Variants in TRERF1 observed in about 807,000 individuals in gnomAD.
The protein encoded by TRERF1 is transcriptional regulating factor 1.
TRERF1 carries 27 observed loss-of-function variants against 122.9 expected under a neutral mutation model. The observed-to-expected ratio is 0.22, with a 90% CI of 0.16 to 0.30. The LOEUF (loss-of-function observed/expected upper bound fraction) is 0.30. Ranked by LOEUF, TRERF1 falls within the 10% of genes least tolerant of loss-of-function variation. The pLI, the probability that TRERF1 is intolerant of heterozygous loss-of-function variation, is 1.00. For missense variants in TRERF1, 1,248 were observed against 1,560.3 expected (o/e 0.80, Z 3.37); for synonymous variants, 636 against 641.7 (o/e 0.99, Z 0.13).
At chr6:42,406,479 G>A (rs1368982838) in intron 2 of TRERF1, among the ~76,000 whole-genome samples, 1 of 152,148 alleles carries the variant, frequency 6.6e-6, no homozygotes, top group African/African-American at 2.4e-5. Flanking sequence ...GCCCAGAAAG[G>A]AGCTCACATC....
intron 4 of TRERF1, among the ~76,000 whole-genome samples, chr6:42,287,275 T>A: frequency 6.8e-6 from 1 of 147,918 alleles, no homozygotes. Context: ...ACATGTACCC[T>A]AAAACTTAAA....
At chr6:42,424,938 T>C (rs995580838) in intron 2 of TRERF1, among the ~76,000 whole-genome samples, 11 of 152,228 alleles carry the variant, frequency 7.2e-5, no homozygotes, top group African/African-American at 2.7e-4. Context: ...AAGTAGAGCC[T>C]CTGTGTATCT....
intron 4 of TRERF1, among the ~76,000 whole-genome samples, chr6:42,295,919 G>A (rs896643852): frequency 2.0e-5 from 3 of 152,140 alleles, no homozygotes; most frequent in African/African-American, 7.2e-5. Context: ...GTAATATAAA[G>A]CCATTTATTA....
intron 2 of TRERF1, among the ~76,000 whole-genome samples, chr6:42,376,927 G>A (rs965445451): frequency 6.6e-6 from 1 of 151,216 alleles, no homozygotes; most frequent in Non-Finnish European, 1.5e-5. Flanking sequence ...GTGCAGTGGC[G>A]CGATCTGAGC....
At position 42,263,289 on chromosome 6, in the gene TRERF1, G is replaced by A. The variant is rs749526024; in HGVS notation, c.1884+31C>T. ...GGCGTGCGGGGGGCAGCCCCTTGGGGTGAGTGTGGGGGAGAGAGGGTCATC... is the reference window on the plus strand; with the variant it reads ...GGCGTGCGGGGGGCAGCCCCTTGGGATGAGTGTGGGGGAGAGAGGGTCATC... On this transcript the variant is annotated intron_variant, in intron 8 of 17. Coordinates refer to ENST00000372922, the Ensembl canonical transcript of TRERF1. This position sits in a 1 kb window ranked among gnomAD's most constrained non-coding sequence, Gnocchi z 5.6. 2.5e-6 allele frequency: 4 copies of A among 1,590,116 alleles called. No individual in the cohort carries two copies. The highest frequency in any genetic ancestry group is 3.4e-6 in the Non-Finnish European group (4 of 1,166,324).
chr6:42,287,474 G>A (rs1783473584), intron 4 of TRERF1, among the ~76,000 whole-genome samples: 1 of 152,092 alleles, frequency 6.6e-6, no homozygotes, highest in Non-Finnish European at 1.5e-5. Context: ...ATGATCTGAA[G>A]CCGAAAGGCC....
chr6:42,376,280 G>A lies in TRERF1; in HGVS notation c.-453-13201C>T, dbSNP rs377702596. ...GGTTTCTCCTTTTATAAGCTAATATGCAAATGCCTTGGAGAGGCTAAGTCT... is the reference window on the plus strand; with the variant it reads ...GGTTTCTCCTTTTATAAGCTAATATACAAATGCCTTGGAGAGGCTAAGTCT... On this transcript the variant is annotated intron_variant, in intron 2 of 17. Coordinates refer to ENST00000372922, the Ensembl canonical transcript of TRERF1. Among the ~76,000 whole-genome samples the A allele has an allele frequency of 3.4e-3, 516 of 152,322 alleles. 3 individuals are homozygous for A. The highest frequency in any genetic ancestry group is 0.01 in the Middle Eastern group (3 of 294).
At chr6:42,344,889 C>T (rs563815549) in intron 3 of TRERF1, among the ~76,000 whole-genome samples, 4 of 152,296 alleles carry the variant, frequency 2.6e-5, no homozygotes, top group African/African-American at 9.6e-5. Flanking sequence ...ATGTCTAGCC[C>T]AACTAGATTA....
intron 2 of TRERF1, among the ~76,000 whole-genome samples, chr6:42,388,925 G>A (rs188041879): frequency 6.6e-6 from 1 of 152,196 alleles, no homozygotes; most frequent in African/African-American, 2.4e-5. Flanking sequence ...ATGGGCCCCA[G>A]TGTGGATCAG....
chr6:42,418,329 G>A (rs1782223169), intron 2 of TRERF1, among the ~76,000 whole-genome samples: 1 of 140,190 alleles, frequency 7.1e-6, no homozygotes, highest in Non-Finnish European at 1.5e-5. Flanking sequence ...GAGTTCAATG[G>A]CGCGATCTTG....
chr6:42,281,769 G>C (rs1782344219), intron 4 of TRERF1, among the ~76,000 whole-genome samples: 1 of 152,216 alleles, frequency 6.6e-6, no homozygotes, highest in Non-Finnish European at 1.5e-5. Flanking sequence ...GGATTAAGAT[G>C]CTGCTACGCA....
intron 13 of TRERF1, 93 bp downstream of exon 13, chr6:42,254,758 C>T: frequency 8.6e-7 from 1 of 1,159,622 alleles, no homozygotes; most frequent in Non-Finnish European, 1.3e-6. Flanking sequence ...TAGGACAGAA[C>T]CGGTGTTATC....
chr6:42,415,961 A>G (rs575546581), intron 2 of TRERF1, among the ~76,000 whole-genome samples: 21 of 152,194 alleles, frequency 1.4e-4, no homozygotes, highest in African/African-American at 4.1e-4. Context: ...AGCCAAGATT[A>G]TATTATTTTT....
chr6:42,377,512 T>C (rs1370792498), intron 2 of TRERF1, among the ~76,000 whole-genome samples: 1 of 152,254 alleles, frequency 6.6e-6, no homozygotes, highest in Non-Finnish European at 1.5e-5. Context: ...ACTGCTTTTA[T>C]GGATGAATAA....
intron 13 of TRERF1, among the ~76,000 whole-genome samples, chr6:42,251,380 C>T (rs1293163870): frequency 6.6e-6 from 1 of 152,136 alleles, no homozygotes; most frequent in Admixed American, 6.5e-5. Flanking sequence ...TTTTCATTTC[C>T]ACACAGGGTT....
At chr6:42,238,070 A>G (rs1772673205) in intron 15 of TRERF1, among the ~76,000 whole-genome samples, 1 of 152,200 alleles carries the variant, frequency 6.6e-6, no homozygotes, top group Non-Finnish European at 1.5e-5. Flanking sequence ...ATACAGGTTG[A>G]TTTCACTTAG....
intron 2 of TRERF1, among the ~76,000 whole-genome samples, chr6:42,371,806 C>T (rs1340015147): frequency 6.6e-6 from 1 of 152,142 alleles, no homozygotes; most frequent in East Asian, 1.9e-4. Context: ...ATGGCAAGCT[C>T]ATCTGCTCAG....
intron 3 of TRERF1, among the ~76,000 whole-genome samples, chr6:42,358,592 A>G (rs576233862): frequency 1.5e-4 from 23 of 152,222 alleles, no homozygotes; most frequent in Non-Finnish European, 3.1e-4. Flanking sequence ...AGAACAATGT[A>G]GTAAATTATT....
At chr6:42,389,544 G>A (rs908610541) in intron 2 of TRERF1, among the ~76,000 whole-genome samples, 4 of 152,194 alleles carry the variant, frequency 2.6e-5, no homozygotes, top group Admixed American at 6.5e-5. Context: ...GACCCAGCAC[G>A]GAGCCTCTGA....
Sources: allele counts gnomAD v4.1 joint callset (sites outside exome capture counted in the v4.1 genomes callset), GRCh38; gene constraint gnomAD v4.1.1; non-coding constraint Gnocchi (gnomAD v3.1); transcripts MANE v1.5; gene names NCBI Gene and HGNC (gene_info 2026-07-23, HGNC 2026-07-21).